EFCAB5: variants seen among roughly 807,000 people sequenced by gnomAD.
The protein encoded by EFCAB5 is EF-hand calcium binding domain 5, also known as EF-hand calcium-binding domain-containing protein 5.
Under a neutral mutation model 167.9 loss-of-function variants are expected in EFCAB5, and 131 were observed. The observed-to-expected ratio is 0.78, with a 90% CI of 0.68 to 0.90. The LOEUF is 0.90. Among genes scored for constraint, EFCAB5 ranks in the 40% least tolerant of loss-of-function variants. The probability of loss-of-function intolerance (pLI) is 0.00; values close to 1 mark genes in which losing one functional copy is unlikely to be tolerated. For missense variants in EFCAB5, 1,663 were observed against 1,745.2 expected, an observed-to-expected ratio of 0.95 and a Z score of 0.84; for synonymous variants, 574 against 602.8, an observed-to-expected ratio of 0.95 and a Z score of 0.70.
At chr17:30,051,890 C>T (rs555405791) in intron 9 of EFCAB5, among the ~76,000 whole-genome samples, 1 of 152,254 alleles carries the variant, frequency 6.6e-6, no homozygotes, top group Admixed American at 6.5e-5. Flanking sequence ...ATTTCCTTTT[C>T]CCAAGCATTT....
intron 20 of EFCAB5, 114 bp downstream of exon 20, chr17:30,090,788 C>A: frequency 1.4e-6 from 2 of 1,398,946 alleles, no homozygotes; most frequent in Middle Eastern, 1.8e-4. Context: ...ACATACACAT[C>A]TTTTCATATA....
At chr17:30,009,411 CT>C (rs34076991) in intron 7 of EFCAB5, among the ~76,000 whole-genome samples, 77,414 of 151,356 alleles carry the variant, frequency 0.51, 20,132 homozygotes, top group African/African-American at 0.57. Flanking sequence ...ACCTCCAGCC[CT>C]AGGCAGCCAC....
rs2151837877 is a variant in EFCAB5, at chr17:30,082,776, G to A, written c.3427-115G>A. 6.5e-6 allele frequency: 7 copies of A among 1,084,728 alleles called. No individual in the cohort carries two copies. The East Asian group carries it at 8.5e-5, about 13-fold the overall frequency. The allele number at this position is 1,084,728 out of a possible 1,614,324, so 67.2% of individuals were successfully genotyped here. ...TTGAGGACTGCTGAATAATTTGTAG[G>A]AAGTAGATTATCATGAAGTAATTAA... On this transcript the variant is annotated intron_variant, in intron 17 of 22. Coordinates refer to ENST00000394835, the MANE Select transcript of EFCAB5 (RefSeq NM_198529.4).
Position 30,080,103 on chromosome 17 carries a change from G to A in EFCAB5, c.3059G>A (p.Ser1020Asn). Residue 1020 changes from serine to asparagine, a missense_variant, in exon 16 of 23, where the codon AGT (serine) becomes AAT (asparagine). Coordinates refer to ENST00000394835, the MANE Select transcript of EFCAB5 (RefSeq NM_198529.4). ...DAEAHGNKKI[S>N]AHISLLEENL... ...GAAGCCCATGGAAATAAAAAGATCA[G>A]TGCTCACATTTCCCTCTTAGAAGAA... 3 of 1,611,754 alleles carry A rather than the reference G, an allele frequency of 1.9e-6. No individual in the cohort carries two copies. Among genetic ancestry groups the A allele is most frequent in the Non-Finnish European group, 2.5e-6 (3 of 1,179,184 alleles).
At chr17:30,076,851 A>T (rs2070877266) in intron 14 of EFCAB5, among the ~76,000 whole-genome samples, 1 of 152,256 alleles carries the variant, frequency 6.6e-6, no homozygotes, top group African/African-American at 2.4e-5. Flanking sequence ...ACATAGTAAC[A>T]CACATTGGTG....
At chr17:29,934,941 C>A (rs553046237) in intron 1 of EFCAB5, among the ~76,000 whole-genome samples, 11 of 152,088 alleles carry the variant, frequency 7.2e-5, no homozygotes, top group Admixed American at 1.3e-4. Flanking sequence ...ATAACTCATT[C>A]ATTGCATACC....
At chr17:29,978,939 C>T (rs978694519) in intron 4 of EFCAB5, among the ~76,000 whole-genome samples, 1 of 152,164 alleles carries the variant, frequency 6.6e-6, no homozygotes, top group Admixed American at 6.5e-5. Flanking sequence ...TGCTTCCCAG[C>T]TTCCCTGGGG....
chr17:29,987,989 A>G (rs942975431), intron 4 of EFCAB5, among the ~76,000 whole-genome samples: 1 of 152,188 alleles, frequency 6.6e-6, no homozygotes, highest in African/African-American at 2.4e-5. Context: ...ATCCTCGAGG[A>G]TTAACTCCTC....
chr17:30,043,044 T>C (rs1297981505), intron 8 of EFCAB5, among the ~76,000 whole-genome samples: 1 of 151,980 alleles, frequency 6.6e-6, no homozygotes, highest in African/African-American at 2.4e-5. Context: ...AAGGAGGAGA[T>C]TGAGGTAAGA....
intron 7 of EFCAB5, among the ~76,000 whole-genome samples, chr17:30,033,598 GCCCCATGTCAAA>G (rs947160746): frequency 3.9e-5 from 6 of 152,188 alleles, no homozygotes; most frequent in Admixed American, 3.9e-4. Flanking sequence ...AAGTGGGCAA[GCCCCATGTCAAA>G]CCTACAAAAT....
chr17:29,961,261 T>C (rs1023605840), intron 3 of EFCAB5, among the ~76,000 whole-genome samples: 1 of 152,222 alleles, frequency 6.6e-6, no homozygotes, highest in Admixed American at 6.5e-5. Context: ...TATATTTTCT[T>C]AGGAGAAATG....
At chr17:30,029,561 C>G (rs1271555985) in intron 7 of EFCAB5, among the ~76,000 whole-genome samples, 1 of 140,734 alleles carries the variant, frequency 7.1e-6, no homozygotes, top group Admixed American at 7.2e-5. Context: ...TAGCACTAAT[C>G]TTTTTTTTTT....
upstream of EFCAB5, among the ~76,000 whole-genome samples, chr17:29,940,363 C>G (rs1331037716): frequency 6.6e-6 from 1 of 152,142 alleles, no homozygotes; most frequent in Non-Finnish European, 1.5e-5. Context: ...AAGCGTGAGC[C>G]CCTGCGCCCG....
chr17:29,991,297 C>T (rs572627581), intron 4 of EFCAB5, among the ~76,000 whole-genome samples: 2 of 152,296 alleles, frequency 1.3e-5, no homozygotes, highest in Admixed American at 6.5e-5. Context: ...AACCCAGTGG[C>T]ACTAGAGGAA....
chr17:30,028,393 G>A (rs1348414528), intron 7 of EFCAB5, among the ~76,000 whole-genome samples: 1 of 151,890 alleles, frequency 6.6e-6, no homozygotes, highest in African/African-American at 2.4e-5. Context: ...TGTATTTTTT[G>A]CTTGTTTTGC....
intron 7 of EFCAB5, among the ~76,000 whole-genome samples, chr17:30,027,068 G>T (rs1244098409): frequency 8.0e-6 from 1 of 124,462 alleles, no homozygotes; most frequent in Non-Finnish European, 1.6e-5. Flanking sequence ...CTCACTGCAA[G>T]CTCTGCCTCC....
intron 4 of EFCAB5, among the ~76,000 whole-genome samples, chr17:29,988,427 A>T (rs2068336189): frequency 6.6e-6 from 1 of 152,080 alleles, no homozygotes; most frequent in Non-Finnish European, 1.5e-5. Context: ...TACAAGCTCC[A>T]CTTTTTGAGC....
intron 7 of EFCAB5, among the ~76,000 whole-genome samples, chr17:30,008,331 G>A (rs1410891189): frequency 1.3e-5 from 2 of 152,100 alleles, no homozygotes; most frequent in Non-Finnish European, 2.9e-5. Flanking sequence ...GGTGGCTCAC[G>A]CCTGTAATCC....
chr17:29,972,204 A>AT (rs11409322), intron 4 of EFCAB5, among the ~76,000 whole-genome samples: 71,583 of 127,358 alleles, frequency 0.56, 21,331 homozygotes, highest in East Asian at 0.9. Flanking sequence ...CGCCCGGCTA[A>AT]TTTTTTTTTT....
Sources: allele counts gnomAD v4.1 joint callset (sites outside exome capture counted in the v4.1 genomes callset), GRCh38; gene constraint gnomAD v4.1.1; transcripts MANE v1.5; gene names NCBI Gene and HGNC (gene_info 2026-07-23, HGNC 2026-07-21).